Variants in LPP observed in about 807,000 individuals in gnomAD.
LPP encodes lipoma-preferred partner.
Under a neutral mutation model 60.4 loss-of-function variants are expected in LPP, and 38 were observed. The observed-to-expected ratio is 0.63, with a 90% confidence interval of 0.49 to 0.83. The LOEUF is 0.83. LPP is among the 40% of genes least tolerant of loss of function. The probability of loss-of-function intolerance (pLI) is 0.00; values close to 1 mark genes in which losing one functional copy is unlikely to be tolerated. For synonymous variants in LPP, 328 were observed against 290.8 expected (o/e 1.13, Z -1.30); for missense variants, 902 against 783.6 (o/e 1.15, Z -1.80).
At chr3:188,600,706 C>G (rs555330483) in intron 6 of LPP, among the ~76,000 whole-genome samples, 9 of 152,214 alleles carry the variant, frequency 5.9e-5, no homozygotes, top group African/African-American at 1.7e-4. Context: ...GCACTAGCTA[C>G]ATTCTTCCTT....
At chr3:188,680,256 T>A (rs1010543585) in intron 7 of LPP, among the ~76,000 whole-genome samples, 9 of 152,176 alleles carry the variant, frequency 5.9e-5, no homozygotes, top group Admixed American at 3.9e-4. Flanking sequence ...GGGATTTTGT[T>A]CTGAAATTGT....
At position 188,804,277 on chromosome 3, in the gene LPP, A is replaced by ATATATATATATG. The variant is rs1388317207; in HGVS notation, c.1410+44001_1410+44002insTATATGTATATA. Reference sequence around the variant, plus strand: ...TATATATATATATATATATATATATATATATAAAATGGAATACAATTCAGC... The same window carrying ATATATATATATG: ...TATATATATATATATATATATATATATATATATATATGTATATAAAATGGAATACAATTCAGC... On this transcript the variant is annotated intron_variant, in intron 9 of 11. Coordinates refer to ENST00000617246, the MANE Select transcript of LPP (RefSeq NM_001375462.1). Among the ~76,000 whole-genome samples the ATATATATATATG allele has an allele frequency of 4.8e-5, 6 of 126,134 alleles. No homozygotes were observed. In the Admixed American group the frequency reaches 5.2e-4, roughly 11 times the overall value. The allele number at this position is 126,134 out of a possible 152,430, so 82.7% of individuals were successfully genotyped here.
chr3:188,312,878 G>A (rs554694818), intron 2 of LPP: 11 of 151,930 alleles, frequency 7.2e-5, no homozygotes, highest in Non-Finnish European at 1.5e-4. Flanking sequence ...GCAAACTATC[G>A]CAAGGACAGA....
intron 2 of LPP, among the ~76,000 whole-genome samples, chr3:188,302,174 G>A (rs1017778916): frequency 9.2e-5 from 14 of 152,108 alleles, no homozygotes; most frequent in South Asian, 2.1e-4. Flanking sequence ...TTACTCTCTC[G>A]TTTAATTCTC....
At chr3:188,676,016 A>G (rs897531699) in intron 7 of LPP, among the ~76,000 whole-genome samples, 1 of 152,154 alleles carries the variant, frequency 6.6e-6, no homozygotes, top group Non-Finnish European at 1.5e-5. Flanking sequence ...GTGAAAGATT[A>G]CTATACTGGA....
chr3:188,355,954 A>G (rs1767489984), intron 3 of LPP, among the ~76,000 whole-genome samples: 1 of 152,186 alleles, frequency 6.6e-6, no homozygotes, highest in South Asian at 2.1e-4. Context: ...TGTACTTAAA[A>G]CTGAATGGAT....
intron 9 of LPP, among the ~76,000 whole-genome samples, chr3:188,778,079 T>C (rs1026387506): frequency 3.3e-5 from 5 of 152,200 alleles, no homozygotes; most frequent in African/African-American, 1.2e-4. Context: ...TTTCCAAGTA[T>C]CTTATTTTTA....
chr3:188,800,079 T>C (rs1746558758), intron 9 of LPP, among the ~76,000 whole-genome samples: 1 of 152,010 alleles, frequency 6.6e-6, no homozygotes, highest in Non-Finnish European at 1.5e-5. Context: ...ATAATGTATA[T>C]GGGTCTAAGT....
chr3:188,251,819 A>T (rs1482426772), intron 2 of LPP, among the ~76,000 whole-genome samples: 1 of 151,526 alleles, frequency 6.6e-6, no homozygotes, highest in African/African-American at 2.4e-5. Context: ...TTGGGTTCAA[A>T]TGCTTCAGTT....
intron 8 of LPP, chr3:188,712,442 C>T (rs1152843): frequency 0.26 from 39,887 of 152,118 alleles, 6,263 homozygotes; most frequent in Non-Finnish European, 0.36. Context: ...TTGGGTGTGA[C>T]TGAGCTGCTA....
chr3:188,546,377 G>C lies in LPP; in HGVS notation c.429+21590G>C, dbSNP rs144839972. 5.1e-4 allele frequency among the ~76,000 whole-genome samples: 77 copies of C among 152,164 alleles called. No homozygotes were observed. In the East Asian group the frequency reaches 0.013, roughly 26 times the overall value. ...GTATCTCAGTTAGAGAAAGTGGGTAGATAAGGACTGGATATCAGACTGGAT... is the reference window on the plus strand; with the variant it reads ...GTATCTCAGTTAGAGAAAGTGGGTACATAAGGACTGGATATCAGACTGGAT... On this transcript the variant is annotated intron_variant, in intron 6 of 11. Coordinates refer to ENST00000617246, the MANE Select transcript of LPP (RefSeq NM_001375462.1).
At chr3:188,687,936 G>T (rs1372664760) in intron 7 of LPP, among the ~76,000 whole-genome samples, 1 of 151,932 alleles carries the variant, frequency 6.6e-6, no homozygotes, top group Non-Finnish European at 1.5e-5. Flanking sequence ...CACCATGCCT[G>T]GCTAATTTTT....
chr3:188,757,081 G>A (rs1010113155), intron 8 of LPP, among the ~76,000 whole-genome samples: 3 of 152,174 alleles, frequency 2.0e-5, no homozygotes, highest in Non-Finnish European at 4.4e-5. Flanking sequence ...CGGCTCAAAT[G>A]CTTCTTTCTC....
chr3:188,330,268 T>C lies in LPP; in HGVS notation c.-66-11395T>C, dbSNP rs971092986. Among the ~76,000 whole-genome samples, 6 of 152,374 alleles carry C rather than the reference T, an allele frequency of 3.9e-5. No individual in the cohort carries two copies. The East Asian group carries it at 7.7e-4, about 20-fold the overall frequency. ...GTCTCTTATGTTATAGAGTAACTTT[T>C]TGGGGAGCTAAGGTTTGCAGACAAT... On this transcript the variant is annotated intron_variant, in intron 2 of 11. Transcript: ENST00000617246.
At chr3:188,689,957 A>C (rs982240897) in intron 7 of LPP, among the ~76,000 whole-genome samples, 1 of 151,950 alleles carries the variant, frequency 6.6e-6, no homozygotes, top group Non-Finnish European at 1.5e-5. Flanking sequence ...TAGAAAATCC[A>C]GAATGGGATT....
chr3:188,417,727 C>T (rs959388013), intron 4 of LPP, among the ~76,000 whole-genome samples: 2 of 152,176 alleles, frequency 1.3e-5, no homozygotes, highest in South Asian at 4.1e-4. Context: ...AGTACTATTG[C>T]TATCTCTCTG....
chr3:188,663,726 T>A (rs1423371838), intron 7 of LPP, among the ~76,000 whole-genome samples: 1 of 152,180 alleles, frequency 6.6e-6, no homozygotes, highest in African/African-American at 2.4e-5. Flanking sequence ...AATGACCACT[T>A]TTCTGGAAGA....
chr3:188,882,808 G>A lies in LPP; in HGVS notation c.*8329G>A, dbSNP rs968229244. 3.3e-5 allele frequency: 6 copies of A among 182,010 alleles called. No homozygotes were observed. The highest frequency in any genetic ancestry group is 5.8e-5 in the Non-Finnish European group (5 of 85,734). 11.3% of individuals were successfully genotyped at this position (182,010 alleles called of 1,614,324 possible). ...GGCTGGAGTGCAGTGGCGCAATCTC[G>A]GCTCACTGCAAGCTCCGCTTCTCGG... On this transcript the variant is annotated 3_prime_UTR_variant, in exon 12 of 12. Coordinates refer to ENST00000617246, the MANE Select transcript of LPP (RefSeq NM_001375462.1).
At chr3:188,249,315 T>G (rs1728230487) in intron 2 of LPP, among the ~76,000 whole-genome samples, 1 of 152,004 alleles carries the variant, frequency 6.6e-6, no homozygotes, top group Non-Finnish European at 1.5e-5. Context: ...GAGGATCGAT[T>G]GGGCCTGGGA....
Sources: allele counts gnomAD v4.1 joint callset (sites outside exome capture counted in the v4.1 genomes callset), GRCh38; gene constraint gnomAD v4.1.1; transcripts MANE v1.5; gene names NCBI Gene and HGNC (gene_info 2026-07-23, HGNC 2026-07-21).